The following FAM222B variants were observed in gnomAD, a reference collection of about 807,000 sequenced individuals.
FAM222B encodes the protein family with sequence similarity 222 member B.
In FAM222B, 12 loss-of-function variants were observed where a neutral mutation model predicts 38.0. The observed-to-expected ratio is 0.32, with a 90% CI of 0.20 to 0.51. The LOEUF (loss-of-function observed/expected upper bound fraction) is 0.51, where lower values mean the gene tolerates loss of function less well. FAM222B is among the 20% of genes least tolerant of loss of function. The pLI is 0.97. For missense variants in FAM222B, 716 were observed against 754.2 expected, an observed-to-expected ratio of 0.95 and a Z score of 0.59; for synonymous variants, 329 against 317.2, an observed-to-expected ratio of 1.04 and a Z score of -0.40.
intron 1 of FAM222B, among the ~76,000 whole-genome samples, chr17:28,803,637 CAT>C (rs1050395263): frequency 6.6e-6 from 1 of 152,048 alleles, no homozygotes; most frequent in African/African-American, 2.4e-5. Flanking sequence ...AGCTCACCCA[CAT>C]ATGATGAATT....
rs1177357790 is a variant in FAM222B at position 28,803,836 on chromosome 17, G to T, written c.-40-37129C>A. ...CTACTAAAAAAATACAAAAAAATTA[G>T]CTGGGTGTGGTGGCAGGTGCCTGTA... On this transcript the variant is annotated intron_variant, in intron 1 of 2. Transcript: ENST00000581407. Among the ~76,000 whole-genome samples the T allele has an allele frequency of 3.3e-5, 5 of 151,942 alleles. No individual in the cohort carries two copies. In the East Asian group the frequency reaches 9.7e-4, roughly 29 times the overall value.
intron 1 of FAM222B, among the ~76,000 whole-genome samples, chr17:28,850,402 C>T (rs1263985564): frequency 3.3e-5 from 5 of 151,814 alleles, no homozygotes; most frequent in Non-Finnish European, 5.9e-5. Flanking sequence ...CCTGGGTTCA[C>T]GCCATTCTCC....
chr17:28,783,844 G>C (rs2151848302), intron 1 of FAM222B, among the ~76,000 whole-genome samples: 1 of 151,352 alleles, frequency 6.6e-6, no homozygotes, highest in East Asian at 1.9e-4. Flanking sequence ...TCTTGCCCTG[G>C]CTGTAGTGCA....
intron 1 of FAM222B, among the ~76,000 whole-genome samples, chr17:28,767,723 G>A (rs1567800867): frequency 1.3e-5 from 2 of 151,908 alleles, no homozygotes; most frequent in East Asian, 1.9e-4. Context: ...TGGTCCGCCC[G>A]CCTCAGCTTC....
intron 1 of FAM222B, among the ~76,000 whole-genome samples, chr17:28,823,858 G>C (rs183759258): frequency 2.6e-5 from 4 of 151,602 alleles, no homozygotes; most frequent in African/African-American, 9.7e-5. Context: ...TCTCAAACTT[G>C]GCAGGACCAA....
chr17:28,791,120 C>G (rs1416487041), intron 1 of FAM222B, among the ~76,000 whole-genome samples: 1 of 151,484 alleles, frequency 6.6e-6, no homozygotes, highest in Non-Finnish European at 1.5e-5. Flanking sequence ...CTGGGCTAGC[C>G]AGGATGGTCT....
chr17:28,771,792 C>T (rs1442212196), intron 1 of FAM222B, among the ~76,000 whole-genome samples: 4 of 149,290 alleles, frequency 2.7e-5, no homozygotes, highest in South Asian at 2.1e-4. Context: ...CGGTGGCTCA[C>T]GCCTGTAATC....
chr17:28,784,518 A>AAAAAAAAAAAAAAAAAAAAAAAAAAAC, intron 1 of FAM222B, among the ~76,000 whole-genome samples: 1 of 120,510 alleles, frequency 8.3e-6, no homozygotes, highest in Non-Finnish European at 1.7e-5. Context: ...AAAAAAAAAA[A>AAAAAAAAAAAAAAAAAAAAAAAAAAAC]AAAAAAAAAA....
intron 1 of FAM222B, among the ~76,000 whole-genome samples, chr17:28,799,464 ATTTTTTTTTG>A (rs2037114303): frequency 6.8e-6 from 1 of 146,926 alleles, no homozygotes. Flanking sequence ...CGACCGGCTA[ATTTTTTTTTG>A]TTGTTGTTGT....
At chr17:28,808,753 C>T (rs1272912354) in intron 1 of FAM222B, among the ~76,000 whole-genome samples, 1 of 152,164 alleles carries the variant, frequency 6.6e-6, no homozygotes, top group Non-Finnish European at 1.5e-5. Flanking sequence ...TACCATCACC[C>T]ACATCTCCAT....
intron 1 of FAM222B, among the ~76,000 whole-genome samples, chr17:28,853,655 T>C (rs1421666242): frequency 6.6e-6 from 1 of 152,200 alleles, no homozygotes; most frequent in African/African-American, 2.4e-5. Flanking sequence ...TGAAATCCCG[T>C]GATAGAGATT....
rs1326282904 is a variant in FAM222B, at chr17:28,759,110, G to A, written c.849C>T (p.Ser283=). The A allele has an allele frequency of 3.1e-6, 5 of 1,611,548 alleles. No individual in the cohort carries two copies. Among genetic ancestry groups the A allele is most frequent in the Non-Finnish European group, 3.4e-6 (4 of 1,178,938 alleles). ...TCTGGCCCTCACACACTGAGGTAGT[G>A]CTGATGCCTGCCCTCGTCTGGCAAA... ...NQFCQTRAGI[S]TTSVCEGQIA... Residue 283 remains serine (S), a synonymous_variant, in exon 3 of 3, where the codon AGC becomes AGT. Coordinates refer to ENST00000581407, the MANE Select transcript of FAM222B (RefSeq NM_001077498.3). This position sits in a 1 kb window ranked among gnomAD's most constrained non-coding sequence, Gnocchi z 4.8.
upstream of FAM222B, among the ~76,000 whole-genome samples, chr17:28,847,320 C>T (rs898672648): frequency 3.4e-4 from 51 of 151,926 alleles, no homozygotes; most frequent in African/African-American, 1.2e-3. Flanking sequence ...GTGGGCCGTG[C>T]GTGGTGGTTC....
chr17:28,758,166 G>C lies in FAM222B; in HGVS notation c.*104C>G. On this transcript the variant is annotated 3_prime_UTR_variant, in exon 3 of 3. Coordinates refer to ENST00000581407, the MANE Select transcript of FAM222B (RefSeq NM_001077498.3). ...TTCCCTTTCTTAGACATCTAAGAATGATCACACTGGAGCAGTGAAACTTTG... is the reference window on the plus strand; with the variant it reads ...TTCCCTTTCTTAGACATCTAAGAATCATCACACTGGAGCAGTGAAACTTTG... 2 of 1,011,324 alleles carry C rather than the reference G, an allele frequency of 2.0e-6. No homozygotes were observed. The highest frequency in any genetic ancestry group is 2.9e-6 in the Non-Finnish European group (2 of 693,732). The allele number at this position is 1,011,324 out of a possible 1,614,324, so 62.6% of individuals were successfully genotyped here.
intron 1 of FAM222B, among the ~76,000 whole-genome samples, chr17:28,806,301 A>C (rs1308604229): frequency 6.6e-6 from 1 of 152,148 alleles, no homozygotes; most frequent in East Asian, 1.9e-4. Context: ...GGTCTCTGTG[A>C]ATCTAAGGAA....
chr17:28,777,176 T>G (rs1208750392), intron 1 of FAM222B: 2 of 151,980 alleles, frequency 1.3e-5, no homozygotes, highest in Admixed American at 6.6e-5. Flanking sequence ...GGAAGAGAGA[T>G]GGGTATTTAC....
intron 1 of FAM222B, among the ~76,000 whole-genome samples, chr17:28,839,289 A>T (rs188818401): frequency 6.6e-5 from 10 of 152,294 alleles, no homozygotes; most frequent in Non-Finnish European, 1.3e-4. Flanking sequence ...GGAAGTCCTT[A>T]AATCTCCAAA....
At chr17:28,828,095 A>G (rs986798145) in intron 1 of FAM222B, among the ~76,000 whole-genome samples, 1 of 74,634 alleles carries the variant, frequency 1.3e-5, no homozygotes, top group African/African-American at 6.8e-5. Flanking sequence ...ATCAAATCCA[A>G]TTTTTTTTTT....
At chr17:28,790,915 T>TTTTTTTTTTG (rs752443903) in intron 1 of FAM222B, among the ~76,000 whole-genome samples, 1 of 121,046 alleles carries the variant, frequency 8.3e-6, no homozygotes, top group African/African-American at 3.2e-5. Context: ...TTTTTTTTTT[T>TTTTTTTTTTG]AGAGACAGAA....
Sources: allele counts gnomAD v4.1 joint callset (sites outside exome capture counted in the v4.1 genomes callset), GRCh38; gene constraint gnomAD v4.1.1; non-coding constraint Gnocchi (gnomAD v3.1); transcripts MANE v1.5; gene names NCBI Gene and HGNC (gene_info 2026-07-23, HGNC 2026-07-21).